The following VDR variants were observed in gnomAD, a reference collection of about 807,000 sequenced individuals.
VDR encodes the protein vitamin D3 receptor.
A neutral mutation model predicts 39.7 loss-of-function variants in VDR; 19 were observed. The observed-to-expected ratio is 0.48, with a 90% CI of 0.33 to 0.70. The LOEUF is 0.70. VDR is among the 30% of genes least tolerant of loss of function. The pLI, the probability that VDR is intolerant of heterozygous loss-of-function variation, is 0.02. For missense variants in VDR, 442 were observed against 570.5 expected (o/e 0.77, Z 2.29); for synonymous variants, 242 against 215.8 (o/e 1.12, Z -1.07).
intron 7 of VDR, among the ~76,000 whole-genome samples, chr12:47,848,722 A>C: frequency 6.6e-6 from 1 of 151,426 alleles, no homozygotes. Context: ...ACCTGCCACC[A>C]CACTCAGCTA....
intron 7 of VDR, among the ~76,000 whole-genome samples, chr12:47,850,948 T>C (rs915858711): frequency 6.6e-6 from 1 of 151,738 alleles, no homozygotes; most frequent in Non-Finnish European, 1.5e-5. Context: ...TTTACATGTC[T>C]ATCTCTTTCA....
In VDR at chr12:47,857,532, G is replaced by T; in HGVS notation, c.434C>A (p.Pro145His). Residue 145 changes from proline (P) to histidine (H), a missense_variant, in exon 5 of 10, where the codon CCC becomes CAC. Physicochemically the swap from Pro to His is moderately conservative, Grantham distance 77 (BLOSUM62 -2). This residue lies in a region of VDR where 46 missense variants were observed against 82.0 expected (regional missense o/e 0.56). Transcript: ENST00000549336. ...LLDAHHKTYDPTYSDFCQFRP... is the reference protein window; with the variant it reads ...LLDAHHKTYDHTYSDFCQFRP... ...GAACTGGCAGAAGTCGGAGTAGGTG[G>T]GGTCGTAGGTCTTATGGTGGGCGTC... is the stretch of plus-strand genomic sequence containing the variant. 6.2e-7 allele frequency: 1 copy of T among 1,614,182 alleles called. No homozygotes were observed. The highest frequency in any genetic ancestry group is 8.5e-7 in the Non-Finnish European group (1 of 1,180,036).
At chr12:47,845,593 C>T (rs1945264488) in intron 9 of VDR, among the ~76,000 whole-genome samples, 1 of 152,102 alleles carries the variant, frequency 6.6e-6, no homozygotes, top group East Asian at 1.9e-4. Context: ...GAGCCTGTGT[C>T]CCATTTGCTG....
chr12:47,872,361 G>A lies in VDR; in HGVS notation c.146+6607C>T, dbSNP rs553516748. 6.0e-4 allele frequency among the ~76,000 whole-genome samples: 92 copies of A among 152,334 alleles called. 1 individual carries two copies. The highest frequency in any genetic ancestry group is 2.2e-3 in the African/African-American group (90 of 41,576). ...GGGAAAGAAGAGAAACTAGCAGAAA[G>A]AGGCAGTGGGAGGGAGTGCTGAGAG... On this transcript the variant is annotated intron_variant, in intron 3 of 9. Transcript: ENST00000549336.
chr12:47,888,892 G>A (rs1946310305), intron 1 of VDR, among the ~76,000 whole-genome samples: 1 of 152,130 alleles, frequency 6.6e-6, no homozygotes, highest in Admixed American at 6.5e-5. Flanking sequence ...TTCCCCAAAA[G>A]CTAGGAAAGA....
intron 4 of VDR, 70 bp from the exon 5 acceptor site, chr12:47,857,758 G>C: frequency 6.4e-7 from 1 of 1,558,466 alleles, no homozygotes; most frequent in Non-Finnish European, 8.7e-7. Flanking sequence ...TCCTGCGGTT[G>C]GGGGTAAAGG....
At chr12:47,856,987 A>T in intron 6 of VDR, 142 bp downstream of exon 6, 1 of 1,319,720 alleles carries the variant, frequency 7.6e-7, no homozygotes, top group East Asian at 2.5e-5. Context: ...GGCTGTTGTG[A>T]AGACGCTGCA....
intron 7 of VDR, 46 bp downstream of exon 7, chr12:47,855,584 T>G: frequency 6.2e-7 from 1 of 1,609,554 alleles, no homozygotes; most frequent in Non-Finnish European, 8.5e-7. Context: ...TGTAGCTCAG[T>G]CTAGGACTCT....
At chr12:47,899,425 T>C (rs947647617) in intron 1 of VDR, among the ~76,000 whole-genome samples, 1 of 152,210 alleles carries the variant, frequency 6.6e-6, no homozygotes, top group Non-Finnish European at 1.5e-5. Context: ...AAGGGAGCTA[T>C]TACTATACCC....
At position 47,857,623 on chromosome 12, in the gene VDR, C is replaced by T; in HGVS notation, c.343G>A (p.Ala115Thr). Residue 115 changes from alanine to threonine, a missense_variant, in exon 5 of 10, where the codon GCC becomes ACC. By Grantham distance (58) the Ala-to-Thr change is moderately conservative. Coordinates refer to ENST00000549336, the MANE Select transcript of VDR (RefSeq NM_000376.3). ...TTGGGCCGCAGACTGTCCTTCAAGG[C>T]CTCCTCCTCCTTCCGCTTCAGGATC... is the stretch of plus-strand genomic sequence containing the variant. The part of the protein sequence containing the change: ...EMILKRKEEE[A>T]LKDSLRPKLS... 1.2e-6 allele frequency: 2 copies of T among 1,614,158 alleles called. No homozygotes were observed. Among genetic ancestry groups the T allele is most frequent in the South Asian group, 1.1e-5 (1 of 91,086 alleles).
At chr12:47,865,805 C>T (rs759107197) in intron 3 of VDR, among the ~76,000 whole-genome samples, 25 of 150,080 alleles carry the variant, frequency 1.7e-4, no homozygotes, top group Admixed American at 7.9e-4. Context: ...CTCCACCTCC[C>T]GGGTTCACAC....
chr12:47,897,857 T>C (rs1017189119), intron 1 of VDR, among the ~76,000 whole-genome samples: 9 of 152,158 alleles, frequency 5.9e-5, no homozygotes, highest in African/African-American at 1.9e-4. Flanking sequence ...CTGGAGCCCT[T>C]AAATGATCAA....
Position 47,882,300 on chromosome 12 carries a change from C to A in VDR, c.-3+394G>T, listed in dbSNP as rs144865236. On this transcript the variant is annotated intron_variant, in intron 2 of 9. Transcript: ENST00000549336. ...TTATTTGCTGCTATCAAGAAGCCAG[C>A]GCCCAGGACCAGAGTCCACATGTGG... Among the ~76,000 whole-genome samples the A allele has an allele frequency of 2.0e-5, 3 of 152,246 alleles. No homozygotes were observed. The East Asian group carries it at 5.8e-4, about 29-fold the overall frequency.
chr12:47,859,928 T>TA (rs1945589703), intron 4 of VDR, among the ~76,000 whole-genome samples: 1 of 79,268 alleles, frequency 1.3e-5, no homozygotes, highest in Non-Finnish European at 2.5e-5. Flanking sequence ...TTTCTTTTTC[T>TA]TTCTTTCTTT....
chr12:47,878,765 A>G (rs1305064432), intron 3 of VDR: 3 of 834,288 alleles, frequency 3.6e-6, no homozygotes, highest in Non-Finnish European at 3.9e-6. Context: ...TTTCCAAGAG[A>G]GTCAGAGGAA....
At chr12:47,879,265 C>T in intron 2 of VDR, 150 bp from the exon 3 acceptor site, 1 of 963,816 alleles carries the variant, frequency 1.0e-6, no homozygotes. Flanking sequence ...TCCCCAGGGC[C>T]CAGGCCTGAG....
intron 7 of VDR, among the ~76,000 whole-genome samples, chr12:47,848,075 T>TG (rs1945313729): frequency 6.6e-6 from 1 of 152,208 alleles, no homozygotes; most frequent in African/African-American, 2.4e-5. Context: ...AATTTTTTTT[T>TG]GTATTTTTAG....
chr12:47,863,235 C>G (rs1303727443), intron 4 of VDR, among the ~76,000 whole-genome samples: 1 of 152,206 alleles, frequency 6.6e-6, no homozygotes, highest in Non-Finnish European at 1.5e-5. Context: ...CTAGTCCCAG[C>G]TTGGCCACCA....
At chr12:47,890,613 C>T (rs1946352739) in intron 1 of VDR, among the ~76,000 whole-genome samples, 1 of 152,088 alleles carries the variant, frequency 6.6e-6, no homozygotes, top group African/African-American at 2.4e-5. Flanking sequence ...TTGGTTATGG[C>T]TTAGCACGGT....
Sources: gnomAD v4.1 joint callset for allele counts (sites outside exome capture counted in the v4.1 genomes callset) on GRCh38, gnomAD v4.1.1 for gene constraint, gnomAD v4.1.1 regional missense constraint, MANE v1.5 for transcripts, NCBI Gene and HGNC (gene_info 2026-07-23, HGNC 2026-07-21) for gene names.